Variants in LIN52 observed in about 807,000 individuals in gnomAD.
LIN52 encodes protein lin-52 homolog.
Under a neutral mutation model 18.5 loss-of-function variants are expected in LIN52, and 4 were observed. That is an observed-to-expected ratio of 0.22 (90% CI 0.11 to 0.49). The LOEUF is 0.49. LIN52 is among the 20% of genes least tolerant of loss of function. LIN52 has a pLI of 0.97. For synonymous variants in LIN52, 34 were observed against 45.5 expected (o/e 0.75, Z 1.02); for missense variants, 102 against 139.5 (o/e 0.73, Z 1.35).
At chr14:74,095,011 A>G (rs1566844446) in intron 2 of LIN52, among the ~76,000 whole-genome samples, 2 of 151,514 alleles carry the variant, frequency 1.3e-5, no homozygotes, top group Non-Finnish European at 2.9e-5. Context: ...ACAGAGGCTC[A>G]TCCTATCACC....
chr14:74,171,907 T>C (rs1245463012), intron 5 of LIN52, among the ~76,000 whole-genome samples: 2 of 151,934 alleles, frequency 1.3e-5, no homozygotes, highest in Non-Finnish European at 2.9e-5. Flanking sequence ...CCTGGCTAAT[T>C]TTTTGTATTT....
chr14:74,146,792 A>G (rs2061153947), intron 5 of LIN52, among the ~76,000 whole-genome samples: 1 of 152,226 alleles, frequency 6.6e-6, no homozygotes, highest in African/African-American at 2.4e-5. Context: ...ACAAAATTAC[A>G]GTAATTAAGA....
At chr14:74,169,807 C>T (rs541239062) in intron 5 of LIN52, among the ~76,000 whole-genome samples, 33 of 152,276 alleles carry the variant, frequency 2.2e-4, no homozygotes, top group African/African-American at 7.9e-4. Context: ...AAAGATAAAA[C>T]ATCTGTGAGA....
chr14:74,153,878 A>G (rs2061187297), intron 5 of LIN52, among the ~76,000 whole-genome samples: 1 of 152,190 alleles, frequency 6.6e-6, no homozygotes, highest in Non-Finnish European at 1.5e-5. Context: ...CTTCTATTGT[A>G]AAAACATAAA....
At position 74,112,635 on chromosome 14, in the gene LIN52, C is replaced by G. The variant is rs147122490; in HGVS notation, c.283+11397C>G. Among the ~76,000 whole-genome samples the G allele has an allele frequency of 2.6e-5, 4 of 152,236 alleles. No homozygotes were observed. In the East Asian group the frequency reaches 7.7e-4, roughly 29 times the overall value. On this transcript the variant is annotated intron_variant, in intron 5 of 5. Coordinates refer to ENST00000555028, the MANE Select transcript of LIN52 (RefSeq NM_001024674.3). ...CTAAAGTTGATGAAACTACATTGGA[C>G]TAATTAGTCCTTCAAGAAAAATTTA... is the stretch of plus-strand genomic sequence containing the variant.
chr14:74,096,641 T>G (rs1308061005), intron 3 of LIN52, among the ~76,000 whole-genome samples: 2 of 152,126 alleles, frequency 1.3e-5, no homozygotes, highest in Non-Finnish European at 2.9e-5. Context: ...GACGCAAAGC[T>G]GAAATAATGT....
chr14:74,109,266 T>C (rs1211215124), intron 5 of LIN52, among the ~76,000 whole-genome samples: 1 of 152,210 alleles, frequency 6.6e-6, no homozygotes, highest in Non-Finnish European at 1.5e-5. Flanking sequence ...GGAGAATTGC[T>C]TGAGCCCAGG....
Position 74,135,072 on chromosome 14 carries a change from CGTT to C in LIN52, c.283+33841_283+33843del, listed in dbSNP as rs1454575064. On this transcript the variant is annotated intron_variant, in intron 5 of 5. Coordinates refer to ENST00000555028, the MANE Select transcript of LIN52 (RefSeq NM_001024674.3). ...GGTAGGGATTTGTTGTTGTTGTTGTCGTTGTTGTTTTGAGACAGAGTCTTGCTC... is the reference window on the plus strand; with the variant it reads ...GGTAGGGATTTGTTGTTGTTGTTGTCGTTGTTTTGAGACAGAGTCTTGCTC... Among the ~76,000 whole-genome samples, 4 of 151,792 alleles carry C rather than the reference CGTT, an allele frequency of 2.6e-5. No homozygotes were observed. In the South Asian group the frequency reaches 6.2e-4, roughly 24 times the overall value.
rs576530751 is a variant in LIN52, at chr14:74,120,710, G to A, written c.283+19472G>A. On this transcript the variant is annotated intron_variant, in intron 5 of 5. Transcript: ENST00000555028. ...GCGGAGGTTTCAGTGAGCCGAGATC[G>A]TGCCATTGCACTCCAGCCTGGGCAA... Among the ~76,000 whole-genome samples, 34 of 150,624 alleles carry A rather than the reference G, an allele frequency of 2.3e-4. No individual in the cohort carries two copies. In the South Asian group the frequency reaches 6.7e-3, roughly 30 times the overall value.
At chr14:74,161,854 G>A (rs572522828) in intron 5 of LIN52, among the ~76,000 whole-genome samples, 1 of 152,202 alleles carries the variant, frequency 6.6e-6, no homozygotes, top group Non-Finnish European at 1.5e-5. Flanking sequence ...GCCACACGGT[G>A]CAAGAAGGAA....
In LIN52 at chr14:74,198,747, G is replaced by T. The variant is rs892646616; in HGVS notation, c.284-175G>T. On this transcript the variant is annotated intron_variant, in intron 5 of 5. Transcript: ENST00000555028. ...AGAATAGCTTTGTACAGTTTTAGTT[G>T]TCTATAGTGGTTTGTTTTTACCCCC... 2.6e-5 allele frequency among the ~76,000 whole-genome samples: 4 copies of T among 152,192 alleles called. 1 individual carries two copies. In the South Asian group the frequency reaches 8.3e-4, roughly 32 times the overall value.
Position 74,125,686 on chromosome 14 carries a change from CA to C in LIN52, c.283+24449del, listed in dbSNP as rs2061025567. Among the ~76,000 whole-genome samples the C allele has an allele frequency of 2.0e-5, 3 of 152,166 alleles. No individual in the cohort carries two copies. The South Asian group carries it at 6.2e-4, about 32-fold the overall frequency. ...GGATTAAGAAAATGTGGCACATATT[CA>C]CCCTGGAATACTATGCAGCCATGAA... On this transcript the variant is annotated intron_variant, in intron 5 of 5. Coordinates refer to ENST00000555028, the MANE Select transcript of LIN52 (RefSeq NM_001024674.3).
At chr14:74,192,742 C>A in intron 5 of LIN52, 1 of 261,058 alleles carries the variant, frequency 3.8e-6, no homozygotes, top group Non-Finnish European at 7.5e-6. Context: ...TGATGGGCAG[C>A]CAATTAATGA....
intron 5 of LIN52, among the ~76,000 whole-genome samples, chr14:74,196,349 T>A (rs2078912129): frequency 6.6e-6 from 1 of 152,174 alleles, no homozygotes; most frequent in Non-Finnish European, 1.5e-5. Context: ...CATTTTCCCA[T>A]TTGGGGAAAA....
At chr14:74,140,079 C>CTT (rs34232542) in intron 5 of LIN52, among the ~76,000 whole-genome samples, 60,260 of 151,892 alleles carry the variant, frequency 0.4, 12,998 homozygotes, top group East Asian at 0.82. Flanking sequence ...CCTAAGAACA[C>CTT]TTCAGCAAAA....
At chr14:74,097,018 C>T (rs1186971738) in intron 3 of LIN52, among the ~76,000 whole-genome samples, 2 of 152,204 alleles carry the variant, frequency 1.3e-5, no homozygotes, top group Non-Finnish European at 2.9e-5. Flanking sequence ...CCTAAAACCT[C>T]TACAATAAAA....
intron 5 of LIN52, among the ~76,000 whole-genome samples, chr14:74,184,568 T>A (rs2061333108): frequency 6.6e-6 from 1 of 152,224 alleles, no homozygotes; most frequent in Non-Finnish European, 1.5e-5. Flanking sequence ...TCTGTTCCAG[T>A]TTGAGTGAAG....
intron 5 of LIN52, among the ~76,000 whole-genome samples, chr14:74,119,464 C>T (rs1268100153): frequency 6.6e-6 from 1 of 151,854 alleles, no homozygotes; most frequent in Non-Finnish European, 1.5e-5. Flanking sequence ...GCACCTGGGC[C>T]GTACATGCAT....
Position 74,097,795 on chromosome 14 carries a change from C to G in LIN52, c.134C>G (p.Pro45Arg). ...AATGGATATATTATTTTTTGACAGC[C>G]TATTACTAGTTCTCCACCCAAATGG... ...VAEFAASFKS[P>R]ITSSPPKWMA... Residue 45 changes from proline to arginine, a missense_variant and splice_region_variant, in exon 4 of 6, where the codon CCT becomes CGT. By Grantham distance (103) the Pro-to-Arg change is moderately radical. Transcript: ENST00000555028. The G allele has an allele frequency of 6.2e-7, 1 of 1,605,148 alleles. No homozygotes were observed.
Sources: gnomAD v4.1 joint callset for allele counts (sites outside exome capture counted in the v4.1 genomes callset) on GRCh38, gnomAD v4.1.1 for gene constraint, MANE v1.5 for transcripts, NCBI Gene and HGNC (gene_info 2026-07-23, HGNC 2026-07-21) for gene names.